Variants in SNX10 observed in about 807,000 individuals in gnomAD.
SNX10 encodes sorting nexin-10.
Under a neutral mutation model 28.5 loss-of-function variants are expected in SNX10, and 25 were observed. The ratio of observed to expected loss-of-function variants is 0.88; its 90% confidence interval spans 0.64 to 1.22. The LOEUF (loss-of-function observed/expected upper bound fraction) is 1.22. Ranked by LOEUF, SNX10 falls within the 50% of genes most tolerant of loss-of-function variation. The pLI is 0.00. For synonymous variants in SNX10, 62 were observed against 81.4 expected (o/e 0.76, Z 1.28); for missense variants, 223 against 242.6 (o/e 0.92, Z 0.54).
intron 1 of SNX10, among the ~76,000 whole-genome samples, chr7:26,301,145 C>G (rs1350717428): frequency 6.6e-6 from 1 of 151,926 alleles, no homozygotes; most frequent in Non-Finnish European, 1.5e-5. Context: ...GCATCACTAT[C>G]CCTTCCCAAA....
chr7:26,361,905 C>A (rs1789087636), intron 3 of SNX10, among the ~76,000 whole-genome samples: 2 of 152,220 alleles, frequency 1.3e-5, no homozygotes, highest in Admixed American at 1.3e-4. Flanking sequence ...AGATGCATAT[C>A]AGATGCAAAC....
At chr7:26,357,618 C>A (rs1373380902) in intron 2 of SNX10, among the ~76,000 whole-genome samples, 2 of 151,984 alleles carry the variant, frequency 1.3e-5, no homozygotes, top group Non-Finnish European at 2.9e-5. Context: ...GATATGGGCC[C>A]CGAAATAAAT....
At chr7:26,293,290 TC>T (rs1785995503) in intron 1 of SNX10, 1 of 152,202 alleles carries the variant, frequency 6.6e-6, no homozygotes, top group African/African-American at 2.4e-5. Flanking sequence ...AAACTCCACC[TC>T]CCAGGCTTCA....
chr7:26,294,491 C>T (rs570205115), intron 1 of SNX10, among the ~76,000 whole-genome samples: 6 of 152,272 alleles, frequency 3.9e-5, no homozygotes, highest in South Asian at 2.1e-4. Flanking sequence ...TTCCAGGCAT[C>T]GTGACATTAT....
intron 5 of SNX10, among the ~76,000 whole-genome samples, chr7:26,368,880 A>G (rs1307423976): frequency 1.3e-5 from 2 of 152,038 alleles, no homozygotes; most frequent in Non-Finnish European, 2.9e-5. Context: ...GCAGTTATGT[A>G]TATATATCAT....
chr7:26,319,397 G>T (rs1787225490), intron 1 of SNX10, among the ~76,000 whole-genome samples: 1 of 152,114 alleles, frequency 6.6e-6, no homozygotes, highest in East Asian at 1.9e-4. Context: ...GCCATTTTCA[G>T]GTCAACTACT....
chr7:26,366,247 C>T (rs1464158684), intron 5 of SNX10, among the ~76,000 whole-genome samples: 1 of 152,128 alleles, frequency 6.6e-6, no homozygotes, highest in African/African-American at 2.4e-5. Flanking sequence ...TGCCTCCTCC[C>T]CATTTGGCTC....
chr7:26,334,971 C>G (rs986336795), intron 1 of SNX10, among the ~76,000 whole-genome samples: 1 of 152,180 alleles, frequency 6.6e-6, no homozygotes, highest in African/African-American at 2.4e-5. Context: ...GCCCAGCTTT[C>G]ATGTTTTGGT....
chr7:26,315,964 C>T (rs1211007668), intron 1 of SNX10, among the ~76,000 whole-genome samples: 2 of 151,782 alleles, frequency 1.3e-5, no homozygotes, highest in African/African-American at 4.8e-5. Flanking sequence ...GGGTGGATCA[C>T]GAGGTCAGGA....
chr7:26,351,663 T>G (rs1406846733), intron 2 of SNX10, among the ~76,000 whole-genome samples: 2 of 145,960 alleles, frequency 1.4e-5, no homozygotes, highest in South Asian at 2.3e-4. Flanking sequence ...TTTTTTGTTT[T>G]TTTTTTTTTT....
intron 1 of SNX10, among the ~76,000 whole-genome samples, chr7:26,343,972 T>TA (rs1351789197): frequency 2.0e-5 from 3 of 152,082 alleles, no homozygotes; most frequent in African/African-American, 7.2e-5. Context: ...TTTTAAATGG[T>TA]AAAAAACACA....
chr7:26,333,418 G>C (rs754048115), intron 1 of SNX10, among the ~76,000 whole-genome samples: 3 of 144,680 alleles, frequency 2.1e-5, no homozygotes, highest in Non-Finnish European at 4.5e-5. Context: ...TCCACCTCCC[G>C]GGTTCACACC....
chr7:26,292,323 C>G (rs577906343), intron 1 of SNX10, among the ~76,000 whole-genome samples: 2 of 152,202 alleles, frequency 1.3e-5, no homozygotes, highest in South Asian at 4.1e-4. Context: ...TGGAGCGCGT[C>G]GATCCAGGGA....
At chr7:26,372,260 T>C (rs1475126302) in intron 6 of SNX10, 1 of 588,590 alleles carries the variant, frequency 1.7e-6, no homozygotes, top group East Asian at 2.8e-5. Flanking sequence ...ATTCAATTAT[T>C]TGCATTCTGA....
chr7:26,339,530 C>CTTTT (rs142702810), intron 1 of SNX10, among the ~76,000 whole-genome samples: 9,666 of 94,598 alleles, frequency 0.1, 1,005 homozygotes, highest in East Asian at 0.31. Context: ...TGAGCTTGAT[C>CTTTT]TTTTTTTTTT....
intron 1 of SNX10, among the ~76,000 whole-genome samples, chr7:26,310,353 A>T (rs1403862802): frequency 6.6e-6 from 1 of 152,224 alleles, no homozygotes; most frequent in Non-Finnish European, 1.5e-5. Context: ...GCTAAGTGCT[A>T]AAGTTGTAAA....
At chr7:26,314,175 T>G (rs551929709) in intron 1 of SNX10, among the ~76,000 whole-genome samples, 2 of 152,318 alleles carry the variant, frequency 1.3e-5, no homozygotes, top group Admixed American at 1.3e-4. Flanking sequence ...TATTCCTTTT[T>G]AATCTTGTTA....
intron 1 of SNX10, among the ~76,000 whole-genome samples, chr7:26,311,186 T>G (rs1584101466): frequency 6.6e-6 from 1 of 152,244 alleles, no homozygotes; most frequent in East Asian, 1.9e-4. Context: ...GGTCTCGCTC[T>G]GTCGCCCAGG....
At chr7:26,365,789 G>T (rs1200140944) in intron 5 of SNX10, among the ~76,000 whole-genome samples, 2 of 152,132 alleles carry the variant, frequency 1.3e-5, no homozygotes, top group Non-Finnish European at 2.9e-5. Context: ...ATAGCACGCT[G>T]ATTTACACCT....
Sources: allele counts gnomAD v4.1 joint callset (sites outside exome capture counted in the v4.1 genomes callset), GRCh38; gene constraint gnomAD v4.1.1; transcripts MANE v1.5; gene names NCBI Gene and HGNC (gene_info 2026-07-23, HGNC 2026-07-21).